IMMP2L: variants seen among roughly 807,000 people sequenced by gnomAD.
IMMP2L encodes inner mitochondrial membrane peptidase subunit 2.
A neutral mutation model predicts 19.3 loss-of-function variants in IMMP2L; 18 were observed. That is an observed-to-expected ratio of 0.93 (90% CI 0.64 to 1.38). The LOEUF (loss-of-function observed/expected upper bound fraction) is 1.38. IMMP2L is among the 40% of genes most tolerant of loss of function. IMMP2L has a pLI of 0.00. For missense variants in IMMP2L, 233 were observed against 218.2 expected (o/e 1.07, Z -0.43); for synonymous variants, 76 against 73.0 (o/e 1.04, Z -0.21).
chr7:111,221,533 G>A (rs1044179732), intron 3 of IMMP2L, among the ~76,000 whole-genome samples: 3 of 151,832 alleles, frequency 2.0e-5, no homozygotes, highest in South Asian at 2.1e-4. Flanking sequence ...GAGAGATAAC[G>A]TGAGCCTATA....
At chr7:111,093,452 T>C (rs537106509) in intron 3 of IMMP2L, among the ~76,000 whole-genome samples, 53 of 152,324 alleles carry the variant, frequency 3.5e-4, no homozygotes, top group Non-Finnish European at 7.1e-4. Flanking sequence ...AACCCTCTGA[T>C]TTCAAACTCC....
At chr7:110,997,730 T>C (rs541750921) in intron 3 of IMMP2L, among the ~76,000 whole-genome samples, 3 of 152,268 alleles carry the variant, frequency 2.0e-5, no homozygotes, top group Non-Finnish European at 2.9e-5. Context: ...CTGCTGAGTT[T>C]TGAGAGTTCT....
At chr7:110,705,962 CATT>C (rs1472650846) in intron 5 of IMMP2L, among the ~76,000 whole-genome samples, 2 of 152,044 alleles carry the variant, frequency 1.3e-5, no homozygotes, top group Admixed American at 6.6e-5. Flanking sequence ...TCCTATGCAT[CATT>C]GATGGGCACC....
chr7:110,995,763 C>G (rs1177714308), intron 3 of IMMP2L, among the ~76,000 whole-genome samples: 1 of 152,090 alleles, frequency 6.6e-6, no homozygotes, highest in Admixed American at 6.6e-5. Flanking sequence ...TACATCTCTC[C>G]CCCAGTTTCT....
chr7:110,927,173 CT>C (rs1327276926), intron 4 of IMMP2L, among the ~76,000 whole-genome samples: 1 of 152,070 alleles, frequency 6.6e-6, no homozygotes, highest in East Asian at 1.9e-4. Context: ...TTCCTTCCCC[CT>C]CTCTCTGTCT....
At chr7:111,474,375 G>C (rs1488271318) in intron 3 of IMMP2L, among the ~76,000 whole-genome samples, 1 of 151,944 alleles carries the variant, frequency 6.6e-6, no homozygotes, top group African/African-American at 2.4e-5. Context: ...AGTGTGCTAA[G>C]GAATCATACC....
chr7:111,102,597 A>C (rs879378238), intron 3 of IMMP2L, among the ~76,000 whole-genome samples: 1 of 151,642 alleles, frequency 6.6e-6, no homozygotes, highest in Admixed American at 6.6e-5. Context: ...TCAGTCAAAT[A>C]AAAGAGAGAG....
chr7:111,449,992 C>A (rs1838953197), intron 3 of IMMP2L, among the ~76,000 whole-genome samples: 1 of 149,164 alleles, frequency 6.7e-6, no homozygotes, highest in African/African-American at 2.5e-5. Flanking sequence ...ACCTAGGAAT[C>A]CAACTTACAA....
intron 3 of IMMP2L, among the ~76,000 whole-genome samples, chr7:111,367,851 T>C (rs111383828): frequency 3.3e-5 from 5 of 151,978 alleles, no homozygotes; most frequent in African/African-American, 9.6e-5. Flanking sequence ...AATGCCCATA[T>C]AGTACTTTAA....
intron 5 of IMMP2L, among the ~76,000 whole-genome samples, chr7:110,843,864 G>A (rs912237914): frequency 3.9e-5 from 6 of 152,078 alleles, no homozygotes; most frequent in Non-Finnish European, 7.4e-5. Context: ...TCCGTGTGTC[G>A]GCATGGGAGG....
At chr7:111,538,104 A>C (rs934420966) in intron 1 of IMMP2L, among the ~76,000 whole-genome samples, 7 of 152,064 alleles carry the variant, frequency 4.6e-5, no homozygotes. Flanking sequence ...CTAGCACAGC[A>C]TTTATCACAC....
intron 3 of IMMP2L, among the ~76,000 whole-genome samples, chr7:111,327,584 TAATA>T (rs1563063417): frequency 6.6e-6 from 1 of 151,582 alleles, no homozygotes; most frequent in African/African-American, 2.4e-5. Context: ...CATAATATAT[TAATA>T]AATAAAAATA....
At chr7:110,981,730 C>T (rs1821324471) in intron 3 of IMMP2L, among the ~76,000 whole-genome samples, 1 of 152,056 alleles carries the variant, frequency 6.6e-6, no homozygotes, top group Admixed American at 6.6e-5. Flanking sequence ...TAAGCAGAAA[C>T]CTTTTCTAAG....
chr7:111,121,562 T>C (rs981869166), intron 3 of IMMP2L, among the ~76,000 whole-genome samples: 3 of 152,126 alleles, frequency 2.0e-5, no homozygotes, highest in Non-Finnish European at 4.4e-5. Context: ...ATGGCAATCA[T>C]TAAAAAGTCA....
chr7:111,060,837 T>C (rs1793951205), intron 3 of IMMP2L, among the ~76,000 whole-genome samples: 2 of 152,234 alleles, frequency 1.3e-5, no homozygotes, highest in Admixed American at 1.3e-4. Context: ...TTTCTCTCCC[T>C]GTTTTGATTC....
intron 3 of IMMP2L, among the ~76,000 whole-genome samples, chr7:111,261,169 C>T (rs1239007195): frequency 6.6e-6 from 1 of 151,980 alleles, no homozygotes; most frequent in East Asian, 1.9e-4. Flanking sequence ...CTAATTTCTC[C>T]ACCGCCTTTA....
chr7:111,356,252 T>C (rs1211991916), intron 3 of IMMP2L, among the ~76,000 whole-genome samples: 1 of 152,036 alleles, frequency 6.6e-6, no homozygotes, highest in Non-Finnish European at 1.5e-5. Context: ...TCCTCATCTG[T>C]GGATTCAAGC....
At chr7:111,539,196 G>GAAGGAGAAAGAAAGAA (rs1848235484) in intron 1 of IMMP2L, among the ~76,000 whole-genome samples, 1 of 30,052 alleles carries the variant, frequency 3.3e-5, no homozygotes, top group Non-Finnish European at 5.9e-5. Context: ...AGGAAGGAGG[G>GAAGGAGAAAGAAAGAA]AGAAAGAAAG....
rs1460032865 is a variant in IMMP2L, at chr7:110,913,776, C to T, written c.306-27081G>A. On this transcript the variant is annotated intron_variant, in intron 4 of 5. Coordinates refer to ENST00000405709, the MANE Select transcript of IMMP2L (RefSeq NM_032549.4). ...TGTTAACTGAAGAAAAATGGGTGTC[C>T]TTTAAAATTGTTTAACGTTAGGAAA... Among the ~76,000 whole-genome samples, 4 of 151,958 alleles carry T rather than the reference C, an allele frequency of 2.6e-5. No homozygotes were observed. In the East Asian group the frequency reaches 7.7e-4, roughly 29 times the overall value.
Sources: allele counts gnomAD v4.1 joint callset (sites outside exome capture counted in the v4.1 genomes callset), GRCh38; gene constraint gnomAD v4.1.1; transcripts MANE v1.5; gene names NCBI Gene and HGNC (gene_info 2026-07-23, HGNC 2026-07-21).